CPS1: variants seen among roughly 807,000 people sequenced by gnomAD.
The protein encoded by CPS1 is carbamoyl-phosphate synthase [ammonia], mitochondrial.
In CPS1, 109 loss-of-function variants were observed where a neutral mutation model predicts 174.6. The ratio of observed to expected loss-of-function variants is 0.62; its 90% confidence interval spans 0.53 to 0.73. The LOEUF (loss-of-function observed/expected upper bound fraction) is 0.73, where lower values mean the gene tolerates loss of function less well. Ranked by LOEUF, CPS1 falls within the 30% of genes least tolerant of loss-of-function variation. The pLI is 0.00. For synonymous variants in CPS1, 637 were observed against 632.0 expected (o/e 1.01, Z -0.12); for missense variants, 1,689 against 1,821.9 (o/e 0.93, Z 1.33).
intron 25 of CPS1, 42 bp from the exon 26 acceptor site, chr2:210,647,821 T>C (rs1469371105): frequency 7.5e-6 from 12 of 1,598,614 alleles, no homozygotes; most frequent in Non-Finnish European, 8.6e-6. Context: ...CCATTCATAA[T>C]GAAGTTATTC....
At position 210,517,585 on chromosome 2, in the gene CPS1, G is replaced by T. The variant is rs377504254; in HGVS notation, c.4-39134G>T. On this transcript the variant is annotated intron_variant, in intron 1 of 38. Coordinates refer to the CPS1 transcript ENST00000430249. ...ACTGCCTGAAAGGACCATAAATCAGGAGCCTCCACAGAACCCTTTTATTGT... is the reference window on the plus strand; with the variant it reads ...ACTGCCTGAAAGGACCATAAATCAGTAGCCTCCACAGAACCCTTTTATTGT... Among the ~76,000 whole-genome samples, 6 of 152,036 alleles carry T rather than the reference G, an allele frequency of 3.9e-5. No individual in the cohort carries two copies. The East Asian group carries it at 9.7e-4, about 25-fold the overall frequency.
intron 1 of CPS1, among the ~76,000 whole-genome samples, chr2:210,509,972 A>C (rs548014711): frequency 6.6e-6 from 1 of 152,150 alleles, no homozygotes; most frequent in African/African-American, 2.4e-5. Flanking sequence ...TATAGATTCA[A>C]TGCCATCCCC....
chr2:210,593,616 C>A (rs1008307081), intron 11 of CPS1: 1 of 985,236 alleles, frequency 1.0e-6, no homozygotes, highest in East Asian at 1.1e-4. Flanking sequence ...GACTTCCCCA[C>A]ACCCAGGGGC....
At chr2:210,636,665 A>G (rs1212361968) in intron 21 of CPS1, among the ~76,000 whole-genome samples, 1 of 152,008 alleles carries the variant, frequency 6.6e-6, no homozygotes, top group African/African-American at 2.4e-5. Context: ...GTATGATTCT[A>G]TGTCCATCGT....
rs374248663 is a variant in CPS1 at position 210,670,986 on chromosome 2, C to G, written c.4101+2702C>G. On this transcript the variant is annotated intron_variant, in intron 34 of 37. Transcript: ENST00000233072. ...CAAGGCATTTCTAACATAAGAAAGG[C>G]ATAACACAGGTTTATATGGCAACAA... Among the ~76,000 whole-genome samples, 3 of 152,108 alleles carry G rather than the reference C, an allele frequency of 2.0e-5. No individual in the cohort carries two copies. In the East Asian group the frequency reaches 5.8e-4, roughly 29 times the overall value.
intron 1 of CPS1, among the ~76,000 whole-genome samples, chr2:210,491,193 G>A (rs1392998349): frequency 6.7e-6 from 1 of 148,878 alleles, no homozygotes; most frequent in Non-Finnish European, 1.5e-5. Context: ...TTTCATTTTT[G>A]TTTTGTTTCT....
chr2:210,627,581 G>C (rs1175981428), intron 21 of CPS1, among the ~76,000 whole-genome samples: 1 of 152,156 alleles, frequency 6.6e-6, no homozygotes, highest in Admixed American at 6.5e-5. Context: ...CCTTAGGATA[G>C]AGTCATGCAC....
At chr2:210,613,266 A>G (rs369322825) in intron 20 of CPS1, among the ~76,000 whole-genome samples, 5 of 151,940 alleles carry the variant, frequency 3.3e-5, no homozygotes, top group East Asian at 1.9e-4. Flanking sequence ...TTGAGTCCTT[A>G]AGAGACCTGA....
chr2:210,547,951 T>A (rs1696605951), intron 1 of CPS1, among the ~76,000 whole-genome samples: 1 of 152,042 alleles, frequency 6.6e-6, no homozygotes, highest in Non-Finnish European at 1.5e-5. Context: ...TGTGTATGTG[T>A]TATAATAAGA....
intron 18 of CPS1, 31 bp downstream of exon 18, chr2:210,606,972 C>T (rs576075511): frequency 3.1e-6 from 5 of 1,587,686 alleles, no homozygotes; most frequent in East Asian, 2.3e-5. Context: ...CATGGGTTTG[C>T]AGATTCTTTT....
At chr2:210,482,625 C>T (rs1296687794) in intron 1 of CPS1, among the ~76,000 whole-genome samples, 2 of 151,376 alleles carry the variant, frequency 1.3e-5, no homozygotes, top group Non-Finnish European at 1.5e-5. Context: ...GATTCTTTTG[C>T]AGACTATAGA....
intron 21 of CPS1, among the ~76,000 whole-genome samples, chr2:210,621,239 A>T (rs934566996): frequency 1.5e-4 from 23 of 152,016 alleles, no homozygotes; most frequent in African/African-American, 5.3e-4. Flanking sequence ...TTTCTTTAGG[A>T]TTTGAGAAGT....
rs149496892 is a variant in CPS1 at position 210,587,874 on chromosome 2, TAC to T, written c.622-182_622-181del. On this transcript the variant is annotated intron_variant, in intron 6 of 37. Coordinates refer to ENST00000233072, the MANE Select transcript of CPS1 (RefSeq NM_001875.5). ...AAGTCTTTTTTTCTCATAAAAAAGA[TAC>T]AGTCTGTGGCACTTGTTGTGCCTTT... Among the ~76,000 whole-genome samples, 46,641 of 151,916 alleles carry T rather than the reference TAC, an allele frequency of 0.31. 7,777 individuals carry two copies. Among genetic ancestry groups the T allele is most frequent in the Middle Eastern group, 0.4 (118 of 294 alleles).
Position 210,577,419 on chromosome 2 carries a change from A to G in CPS1, c.382-2A>G. On this transcript the variant is annotated splice_acceptor_variant, in intron 3 of 37. Transcript: ENST00000233072. LOFTEE classifies it high-confidence loss of function. ...CTTTAAAATGACTGTCTGTCTTTCT[A>G]GGTTTCAGGTTTGCTGGTGCTGGAT... 6.2e-7 allele frequency: 1 copy of G among 1,611,902 alleles called. No individual in the cohort carries two copies. The highest frequency in any genetic ancestry group is 8.5e-7 in the Non-Finnish European group (1 of 1,178,094).
intron 34 of CPS1, chr2:210,674,055 T>G (rs1196767279): frequency 1.3e-5 from 2 of 152,228 alleles, no homozygotes; most frequent in Non-Finnish European, 2.9e-5. Flanking sequence ...GCTACAACTT[T>G]TTATTGCCTC....
intron 1 of CPS1, among the ~76,000 whole-genome samples, chr2:210,485,830 A>T (rs1694701059): frequency 6.6e-6 from 1 of 152,064 alleles, no homozygotes; most frequent in Non-Finnish European, 1.5e-5. Context: ...AATGTACTTT[A>T]AGAAACTAAT....
chr2:210,642,461 T>C, intron 24 of CPS1, 23 bp from the exon 25 acceptor site: 1 of 1,613,834 alleles, frequency 6.2e-7, no homozygotes, highest in Non-Finnish European at 8.5e-7. Context: ...TTATCCCTTT[T>C]GCCAATCTCA....
intron 1 of CPS1, among the ~76,000 whole-genome samples, chr2:210,532,223 C>T (rs907972962): frequency 3.6e-4 from 55 of 152,086 alleles, no homozygotes; most frequent in Non-Finnish European, 1.3e-4. Context: ...TTAGAGAGTT[C>T]AAAACGTTAA....
At chr2:210,661,000 C>T (rs1473165801) in intron 32 of CPS1, among the ~76,000 whole-genome samples, 1 of 152,120 alleles carries the variant, frequency 6.6e-6, no homozygotes, top group East Asian at 1.9e-4. Flanking sequence ...TGAATTGTGC[C>T]AACTCTTACA....
Sources: gnomAD v4.1 joint callset for allele counts (sites outside exome capture counted in the v4.1 genomes callset) on GRCh38, gnomAD v4.1.1 for gene constraint, MANE v1.5 for transcripts, NCBI Gene and HGNC (gene_info 2026-07-23, HGNC 2026-07-21) for gene names.